Variants in TRAPPC9 observed in about 807,000 individuals in gnomAD.
The protein encoded by TRAPPC9 is trafficking protein particle complex subunit 9, also known as IKK2 binding protein.
TRAPPC9 carries 83 observed loss-of-function variants against 124.0 expected under a neutral mutation model. The ratio of observed to expected loss-of-function variants is 0.67; its 90% CI spans 0.56 to 0.80. TRAPPC9 has a LOEUF of 0.80. Among genes scored for constraint, TRAPPC9 ranks in the 30% least tolerant of loss-of-function variants. TRAPPC9 has a pLI of 0.00. For synonymous variants in TRAPPC9, 638 were observed against 617.5 expected (o/e 1.03, Z -0.49); for missense variants, 1,302 against 1,508.3 (o/e 0.86, Z 2.27).
At chr8:139,847,387 G>A (rs955110238) in intron 21 of TRAPPC9, among the ~76,000 whole-genome samples, 2 of 152,258 alleles carry the variant, frequency 1.3e-5, no homozygotes, top group Admixed American at 6.5e-5. Context: ...GGAAAGACAC[G>A]TGCAAGCACA....
chr8:140,166,188 G>A (rs866450199), intron 17 of TRAPPC9, among the ~76,000 whole-genome samples: 11 of 152,130 alleles, frequency 7.2e-5, no homozygotes, highest in Admixed American at 5.9e-4. Context: ...GTGCAATAAC[G>A]CATGCCCATC....
At chr8:140,218,970 GA>G (rs34324967) in intron 17 of TRAPPC9, among the ~76,000 whole-genome samples, 60,090 of 147,148 alleles carry the variant, frequency 0.41, 14,370 homozygotes, top group Non-Finnish European at 0.55. Flanking sequence ...CAAATTAAAA[GA>G]AAAAAAAAAA....
chr8:140,157,461 C>A (rs1024354169), intron 17 of TRAPPC9, among the ~76,000 whole-genome samples: 27 of 152,224 alleles, frequency 1.8e-4, no homozygotes, highest in Non-Finnish European at 3.4e-4. Context: ...AACCAATCCA[C>A]CCTCAACGAA....
At chr8:140,098,694 C>T (rs1563759527) in intron 17 of TRAPPC9, 1 of 151,346 alleles carries the variant, frequency 6.6e-6, no homozygotes, top group South Asian at 2.1e-4. Flanking sequence ...CCTCCCTCCT[C>T]TCATCCTCTG....
chr8:139,824,240 G>A (rs779027425), intron 21 of TRAPPC9, among the ~76,000 whole-genome samples: 21 of 152,296 alleles, frequency 1.4e-4, no homozygotes, highest in African/African-American at 4.3e-4. Context: ...ACGTAATTTC[G>A]GCAGCCCAGT....
intron 17 of TRAPPC9, among the ~76,000 whole-genome samples, chr8:140,149,238 A>G (rs1369036084): frequency 6.6e-6 from 1 of 152,158 alleles, no homozygotes; most frequent in Non-Finnish European, 1.5e-5. Flanking sequence ...CATGGTCAGC[A>G]CGGGCCTAGA....
At chr8:139,932,535 G>C (rs763073213) in intron 19 of TRAPPC9, 1 of 455,616 alleles carries the variant, frequency 2.2e-6, no homozygotes, top group South Asian at 1.6e-5. Context: ...GGCCGAGGCA[G>C]GTGGATTGCC....
intron 21 of TRAPPC9, among the ~76,000 whole-genome samples, chr8:139,733,849 G>C (rs1817990766): frequency 6.6e-6 from 1 of 152,214 alleles, no homozygotes; most frequent in African/African-American, 2.4e-5. Flanking sequence ...AGGGCCCTGT[G>C]GGGTGTCCTC....
chr8:139,734,954 C>T (rs1395945317), intron 21 of TRAPPC9, among the ~76,000 whole-genome samples: 1 of 152,260 alleles, frequency 6.6e-6, no homozygotes, highest in Non-Finnish European at 1.5e-5. Flanking sequence ...GCATCCTACA[C>T]TTCTGGATGT....
At position 140,024,089 on chromosome 8, in the gene TRAPPC9, A is replaced by G; in HGVS notation, c.2557-10T>C. 6.3e-7 allele frequency: 1 copy of G among 1,590,462 alleles called. No homozygotes were observed. The highest frequency in any genetic ancestry group is 8.6e-7 in the Non-Finnish European group (1 of 1,160,544). On this transcript the variant is annotated splice_polypyrimidine_tract_variant and intron_variant, in intron 17 of 22. Coordinates refer to ENST00000438773, the MANE Select transcript of TRAPPC9 (RefSeq NM_001160372.4). ...GGACAGCTTCCAGGGTCTAAAAGAT[A>G]TTAAAAAAAAAAATACACACACACA...
At chr8:140,327,353 C>T (rs1264854262) in intron 9 of TRAPPC9, among the ~76,000 whole-genome samples, 1 of 152,168 alleles carries the variant, frequency 6.6e-6, no homozygotes, top group Non-Finnish European at 1.5e-5. Flanking sequence ...TTTGGCAGTT[C>T]CTCAAAAAGT....
chr8:140,007,828 T>C (rs774371264), intron 18 of TRAPPC9, among the ~76,000 whole-genome samples: 1 of 152,186 alleles, frequency 6.6e-6, no homozygotes, highest in African/African-American at 2.4e-5. Context: ...AAATAAAATA[T>C]AGATCACGTA....
At chr8:139,872,096 GTGGA>G (rs763680932) in intron 21 of TRAPPC9, among the ~76,000 whole-genome samples, 3 of 151,048 alleles carry the variant, frequency 2.0e-5, no homozygotes, top group South Asian at 2.1e-4. Context: ...GGTTGGATGA[GTGGA>G]TGGATGGATG....
rs751099708 is a variant in TRAPPC9 at position 140,360,212 on chromosome 8, A to C, written c.1352-19T>G. ...TGCGTGCCTGCGATGGAAGTTACAA[A>C]ACATCACAAAAGTGCTTGGAGAGGG... On this transcript the variant is annotated intron_variant, in intron 8 of 22. Coordinates refer to ENST00000438773, the MANE Select transcript of TRAPPC9 (RefSeq NM_001160372.4). 2 of 1,614,098 alleles carry C rather than the reference A, an allele frequency of 1.2e-6. No individual in the cohort carries two copies. Among genetic ancestry groups the C allele is most frequent in the Non-Finnish European group, 1.7e-6 (2 of 1,179,976 alleles).
At chr8:140,315,447 A>C (rs1486531465) in intron 9 of TRAPPC9, among the ~76,000 whole-genome samples, 3 of 152,080 alleles carry the variant, frequency 2.0e-5, no homozygotes, top group Non-Finnish European at 2.9e-5. Context: ...AGCTTATGAA[A>C]GTTATATCTT....
At chr8:140,040,105 T>C (rs537263852) in intron 17 of TRAPPC9, 45 of 152,200 alleles carry the variant, frequency 3.0e-4, no homozygotes, top group African/African-American at 9.2e-4. Context: ...CCACTGCTGA[T>C]AGACACATGT....
At chr8:140,292,760 C>T (rs1482924423) in intron 11 of TRAPPC9, among the ~76,000 whole-genome samples, 2 of 148,390 alleles carry the variant, frequency 1.3e-5, no homozygotes, top group Non-Finnish European at 3.0e-5. Context: ...ACCATAAAAA[C>T]CCTAGAAGAA....
At chr8:139,975,988 T>A (rs1207343827) in intron 19 of TRAPPC9, among the ~76,000 whole-genome samples, 2 of 123,568 alleles carry the variant, frequency 1.6e-5, no homozygotes, top group Non-Finnish European at 3.3e-5. Context: ...CCCCCCGGGG[T>A]TCACGCCATT....
intron 21 of TRAPPC9, among the ~76,000 whole-genome samples, chr8:139,750,720 C>T (rs1819256841): frequency 6.6e-6 from 1 of 152,214 alleles, no homozygotes; most frequent in Non-Finnish European, 1.5e-5. Context: ...ACACCCTGGG[C>T]CTGCCTGGGA....
Sources: gnomAD v4.1 joint callset for allele counts (sites outside exome capture counted in the v4.1 genomes callset) on GRCh38, gnomAD v4.1.1 for gene constraint, MANE v1.5 for transcripts, NCBI Gene and HGNC (gene_info 2026-07-23, HGNC 2026-07-21) for gene names.